Variants in COBL observed in about 807,000 individuals in gnomAD.
The protein encoded by COBL is cordon-bleu WH2 repeat protein.
Under a neutral mutation model 98.8 loss-of-function variants are expected in COBL, and 51 were observed. The observed-to-expected ratio is 0.52, with a 90% CI of 0.41 to 0.65. COBL has a LOEUF of 0.65. COBL is among the 30% of genes least tolerant of loss of function. The pLI is 0.00. For missense variants in COBL, 1,617 were observed against 1,617.5 expected (o/e 1.00, Z 0.01); for synonymous variants, 634 against 651.7 (o/e 0.97, Z 0.41).
intron 1 of COBL, among the ~76,000 whole-genome samples, chr7:51,292,053 A>G (rs1800951624): frequency 6.6e-6 from 1 of 151,832 alleles, no homozygotes; most frequent in Non-Finnish European, 1.5e-5. Context: ...GAGGCTGAGC[A>G]GGAGAATCTC....
At chr7:51,110,163 T>C (rs1796696208) in intron 6 of COBL, among the ~76,000 whole-genome samples, 1 of 152,218 alleles carries the variant, frequency 6.6e-6, no homozygotes, top group South Asian at 2.1e-4. Flanking sequence ...ATAGTTATTG[T>C]TAACAATAGT....
chr7:51,292,241 T>C (rs1368966465), intron 1 of COBL, among the ~76,000 whole-genome samples: 1 of 152,208 alleles, frequency 6.6e-6, no homozygotes, highest in Non-Finnish European at 1.5e-5. Flanking sequence ...TGTTCTCTGC[T>C]TTTATTTACA....
At chr7:51,244,032 A>G (rs1297660556) in intron 1 of COBL, among the ~76,000 whole-genome samples, 3 of 152,208 alleles carry the variant, frequency 2.0e-5, no homozygotes, top group African/African-American at 7.2e-5. Context: ...ATAAACCATC[A>G]TGTGAAAATG....
chr7:51,082,348 G>A (rs12719029), intron 7 of COBL, among the ~76,000 whole-genome samples: 39,268 of 152,058 alleles, frequency 0.26, 6,103 homozygotes, highest in Non-Finnish European at 0.36. Context: ...GCGCAGGCCC[G>A]ACGTGCCCAT....
Position 51,039,424 on chromosome 7 carries a change from C to T in COBL, c.1406+3959G>A, listed in dbSNP as rs987951647. Among the ~76,000 whole-genome samples, 5 of 152,338 alleles carry T rather than the reference C, an allele frequency of 3.3e-5. No homozygotes were observed. In the East Asian group the frequency reaches 7.8e-4, roughly 24 times the overall value. ...ATCGTGACCACCTGACAGGCCTGCT[C>T]CATCGGGCCACACCTGAGTTCTGCT... On this transcript the variant is annotated intron_variant, in intron 8 of 12. Transcript: ENST00000265136.
chr7:51,306,592 T>A (rs1184269318), intron 1 of COBL, among the ~76,000 whole-genome samples: 1 of 152,166 alleles, frequency 6.6e-6, no homozygotes, highest in Non-Finnish European at 1.5e-5. Context: ...AACATCTTGC[T>A]TTGAGGAAGG....
intron 12 of COBL, among the ~76,000 whole-genome samples, chr7:51,017,793 C>T (rs73351836): frequency 0.013 from 1,930 of 152,278 alleles, 45 homozygotes; most frequent in African/African-American, 0.042. Flanking sequence ...GGACGACTAG[C>T]AGGATGCAGA....
At chr7:51,098,941 G>C (rs1485549933) in intron 6 of COBL, among the ~76,000 whole-genome samples, 1 of 152,054 alleles carries the variant, frequency 6.6e-6, no homozygotes, top group Non-Finnish European at 1.5e-5. Context: ...TTTACAAAGA[G>C]GCAAAGAATT....
chr7:51,060,456 C>T (rs1791217868), intron 7 of COBL, among the ~76,000 whole-genome samples: 1 of 152,168 alleles, frequency 6.6e-6, no homozygotes, highest in Non-Finnish European at 1.5e-5. Context: ...CCAAGTTCCC[C>T]ACTACCTTGA....
chr7:51,242,271 A>G (rs1795858587), intron 1 of COBL, among the ~76,000 whole-genome samples: 1 of 152,232 alleles, frequency 6.6e-6, no homozygotes, highest in East Asian at 1.9e-4. Flanking sequence ...CAAGTAACCA[A>G]TGGGAAATCT....
chr7:51,227,873 G>A (rs549160486), intron 1 of COBL, among the ~76,000 whole-genome samples: 4 of 152,090 alleles, frequency 2.6e-5, no homozygotes, highest in African/African-American at 7.2e-5. Flanking sequence ...CAAACAAAAC[G>A]GAAAGCCAGA....
chr7:51,249,865 G>A (rs958994103), intron 1 of COBL, among the ~76,000 whole-genome samples: 1 of 152,146 alleles, frequency 6.6e-6, no homozygotes. Context: ...ACTTTGAGAG[G>A]TTGAGGCGGG....
At chr7:51,225,849 G>A (rs963632501) in intron 1 of COBL, among the ~76,000 whole-genome samples, 1 of 152,178 alleles carries the variant, frequency 6.6e-6, no homozygotes, top group Non-Finnish European at 1.5e-5. Flanking sequence ...GTGACATGGT[G>A]CAGTGAATGC....
Position 51,028,306 on chromosome 7 carries a change from C to T in COBL, c.2790G>A (p.Gln930=). Residue 930 remains glutamine (Q), a synonymous_variant, in exon 10 of 13, where the codon CAG becomes CAA. Coordinates refer to ENST00000265136, the MANE Select transcript of COBL (RefSeq NM_015198.5). Reference sequence around the variant, plus strand: ...TGTTGGGAGGAGTGACACAGGGCCACTGGGCACCATCCTTCCATCCTTGTG... The same window carrying T: ...TGTTGGGAGGAGTGACACAGGGCCATTGGGCACCATCCTTCCATCCTTGTG... ...SETQGWKDGA[Q]WPCVTPPNNH... 1 of 1,614,266 alleles carries T rather than the reference C, an allele frequency of 6.2e-7. No homozygotes were observed. The highest frequency in any genetic ancestry group is 1.1e-5 in the South Asian group (1 of 91,092).
intron 1 of COBL, among the ~76,000 whole-genome samples, chr7:51,276,484 G>A (rs751931771): frequency 1.3e-5 from 2 of 152,228 alleles, no homozygotes; most frequent in Non-Finnish European, 2.9e-5. Flanking sequence ...CCTATCCACT[G>A]TGGGCTTTCT....
intron 1 of COBL, among the ~76,000 whole-genome samples, chr7:51,232,408 TG>T (rs1310005071): frequency 2.0e-5 from 3 of 151,290 alleles, no homozygotes; most frequent in Non-Finnish European, 4.4e-5. Context: ...CTGGAAGGGG[TG>T]AAAATGGAGC....
At chr7:51,240,824 T>A (rs748301108) in intron 1 of COBL, among the ~76,000 whole-genome samples, 1 of 152,240 alleles carries the variant, frequency 6.6e-6, no homozygotes, top group Non-Finnish European at 1.5e-5. Flanking sequence ...ATTACAGGCA[T>A]GAACCACCGT....
intron 1 of COBL, among the ~76,000 whole-genome samples, chr7:51,243,810 C>T (rs1796040442): frequency 6.6e-6 from 1 of 151,632 alleles, no homozygotes; most frequent in African/African-American, 2.4e-5. Context: ...AGGAGCGGTG[C>T]CGTGTCTGGC....
chr7:51,124,079 A>C (rs1431304043), intron 6 of COBL, among the ~76,000 whole-genome samples: 1 of 152,202 alleles, frequency 6.6e-6, no homozygotes, highest in Non-Finnish European at 1.5e-5. Context: ...CTGCCTTATA[A>C]GGATATTGTA....
Sources: gnomAD v4.1 joint callset for allele counts (sites outside exome capture counted in the v4.1 genomes callset) on GRCh38, gnomAD v4.1.1 for gene constraint, MANE v1.5 for transcripts, NCBI Gene and HGNC (gene_info 2026-07-23, HGNC 2026-07-21) for gene names.